CFAP45: variants seen among roughly 807,000 people sequenced by gnomAD.
CFAP45 encodes the protein cilia and flagella associated protein 45.
Under a neutral mutation model 75.6 loss-of-function variants are expected in CFAP45, and 43 were observed. That is an observed-to-expected ratio of 0.57 (90% CI 0.45 to 0.73). The LOEUF is 0.73. Among genes scored for constraint, CFAP45 ranks in the 30% least tolerant of loss-of-function variants. The probability of loss-of-function intolerance (pLI) is 0.00; values close to 1 mark genes in which losing one functional copy is unlikely to be tolerated. For missense variants in CFAP45, 689 were observed against 701.5 expected, an observed-to-expected ratio of 0.98 and a Z score of 0.20; for synonymous variants, 223 against 244.6, an observed-to-expected ratio of 0.91 and a Z score of 0.82.
chr1:159,873,104 G>T lies in CFAP45; in HGVS notation c.1417C>A (p.Gln473Lys). Residue 473 changes from glutamine (Q) to lysine (K), a missense_variant, in exon 11 of 12, where the codon CAG becomes AAG. Physicochemically the swap from Gln to Lys is moderately conservative, Grantham distance 53 (BLOSUM62 1). Transcript: ENST00000368099. ...EEEKKATGRL[Q>K]HANELRRQVR... Reference sequence around the variant, plus strand: ...TGGCGCCGGAGCTCATTGGCATGCTGTAAGCGCCCTGTGGCCTTTTTCTCC... The same window carrying T: ...TGGCGCCGGAGCTCATTGGCATGCTTTAAGCGCCCTGTGGCCTTTTTCTCC... The T allele has an allele frequency of 6.2e-7, 1 of 1,614,168 alleles. No individual in the cohort carries two copies. Among genetic ancestry groups the T allele is most frequent in the South Asian group, 1.1e-5 (1 of 91,090 alleles).
intron 1 of CFAP45, chr1:159,898,243 T>A: frequency 2.0e-6 from 2 of 985,390 alleles, no homozygotes; most frequent in Non-Finnish European, 2.4e-6. Flanking sequence ...TTATCCTCTT[T>A]CTTCAATTGG....
chr1:159,873,071 C>T lies in CFAP45; in HGVS notation c.1450G>A (p.Glu484Lys), dbSNP rs745611980. 58 of 1,614,126 alleles carry T rather than the reference C, an allele frequency of 3.6e-5. No homozygotes were observed. In the South Asian group the frequency reaches 3.6e-4, roughly 10 times the overall value. Residue 484 changes from glutamate to lysine, a missense_variant, in exon 11 of 12, where the codon GAG (glutamate) becomes AAG (lysine). Coordinates refer to ENST00000368099, the MANE Select transcript of CFAP45 (RefSeq NM_012337.3). ...HANELRRQVR[E>K]NQQKEVQNRI... ...TTCTGCACTTCCTTCTGCTGGTTCTCGCGCACCTGGCGCCGGAGCTCATTG... is the reference window on the plus strand; with the variant it reads ...TTCTGCACTTCCTTCTGCTGGTTCTTGCGCACCTGGCGCCGGAGCTCATTG...
In CFAP45 at chr1:159,890,496, T is replaced by C. The variant is rs1463915447; in HGVS notation, c.256A>G (p.Met86Val). 2 of 1,614,018 alleles carry C rather than the reference T, an allele frequency of 1.2e-6. No individual in the cohort carries two copies. Among genetic ancestry groups the C allele is most frequent in the African/African-American group, 1.3e-5 (1 of 74,918 alleles). The change falls in exon 3 of 12, where the codon ATG (methionine) becomes GTG (valine). Residue 86 changes from methionine (M) to valine (V), a missense_variant. Physicochemically the swap from Met to Val is conservative, Grantham distance 21. Transcript: ENST00000368099. ...TGTACTCACATGAGTTCTCGGACCA[T>C]GTCCCGGGTGATGAGCTGGATGGTC... ...PETIQLITRD[M>V]VRELIVPTED...
Position 159,876,707 on chromosome 1 carries a change from C to T in CFAP45, c.1201G>A (p.Glu401Lys). Reference sequence around the variant, plus strand: ...TTTTCCTTTTCCTTTCTGCGCCACTCTCTGTCTGCAACCTCCTGGTTGCGC... The same window carrying T: ...TTTTCCTTTTCCTTTCTGCGCCACTTTCTGTCTGCAACCTCCTGGTTGCGC... ...AKRNQEVADR[E>K]WRRKEKENAR... Residue 401 changes from glutamate to lysine, a missense_variant, in exon 10 of 12, where the codon GAG (glutamate) becomes AAG (lysine). Transcript: ENST00000368099. 1.9e-6 allele frequency: 3 copies of T among 1,614,226 alleles called. No individual in the cohort carries two copies. The South Asian group carries it at 3.3e-5, about 18-fold the overall frequency.
At chr1:159,890,381 T>A in intron 3 of CFAP45, 99 bp downstream of exon 3, 3 of 1,116,064 alleles carry the variant, frequency 2.7e-6, no homozygotes, top group Non-Finnish European at 4.0e-6. Flanking sequence ...GGGATTGGAC[T>A]GACAGAATGA....
chr1:159,899,918 A>C, intron 1 of CFAP45, 178 bp downstream of exon 1: 1 of 617,158 alleles, frequency 1.6e-6, no homozygotes, highest in Non-Finnish European at 2.9e-6. Flanking sequence ...TGCTATCCCT[A>C]ATTCCTCTTT....
In CFAP45 at chr1:159,872,471, C is replaced by G. The variant is rs1649302176; in HGVS notation, c.*14G>C. On this transcript the variant is annotated 3_prime_UTR_variant, in exon 12 of 12. Transcript: ENST00000368099. ...TGTCCCCCGAAGGCATCCTGAGGGC[C>G]ACGAAGGCTCCCCTCAGTTCACAGA... 2 of 1,610,274 alleles carry G rather than the reference C, an allele frequency of 1.2e-6. No individual in the cohort carries two copies. The highest frequency in any genetic ancestry group is 2.2e-5 in the South Asian group (2 of 91,006).
At position 159,886,481 on chromosome 1, in the gene CFAP45, G is replaced by A. The variant is rs754898979; in HGVS notation, c.767+30C>T. 1.0e-5 allele frequency: 16 copies of A among 1,595,166 alleles called. No individual in the cohort carries two copies. The South Asian group carries it at 1.8e-4, about 18-fold the overall frequency. Reference sequence around the variant, plus strand: ...CCTAAAGATACATGGAAATAGCTTAGAGAGGGAGATGCCAAAACCACATCT... The same window carrying A: ...CCTAAAGATACATGGAAATAGCTTAAAGAGGGAGATGCCAAAACCACATCT... On this transcript the variant is annotated intron_variant, in intron 6 of 11. Transcript: ENST00000368099.
chr1:159,873,580 C>A (rs941439187), intron 10 of CFAP45, among the ~76,000 whole-genome samples: 29 of 152,298 alleles, frequency 1.9e-4, no homozygotes, highest in African/African-American at 7.0e-4. Flanking sequence ...AAGTGATTCT[C>A]CCACCTCAGC....
chr1:159,887,072 AC>A (rs1377677960), intron 5 of CFAP45, among the ~76,000 whole-genome samples: 10 of 152,134 alleles, frequency 6.6e-5, no homozygotes, highest in Admixed American at 2.6e-4. Flanking sequence ...CCATTGTTCC[AC>A]TTAGAGACCC....
chr1:159,885,099 T>A (rs907172689), intron 6 of CFAP45, among the ~76,000 whole-genome samples: 1 of 152,054 alleles, frequency 6.6e-6, no homozygotes, highest in African/African-American at 2.4e-5. Context: ...CATATTAGGA[T>A]CAGAATTGAG....
chr1:159,875,970 A>G (rs1649390622), intron 10 of CFAP45, among the ~76,000 whole-genome samples: 1 of 152,250 alleles, frequency 6.6e-6, no homozygotes, highest in African/African-American at 2.4e-5. Context: ...AGAAAGATGG[A>G]TTGATGTAGG....
chr1:159,890,061 G>A (rs1250714800), intron 3 of CFAP45, among the ~76,000 whole-genome samples: 2 of 152,122 alleles, frequency 1.3e-5, no homozygotes, highest in African/African-American at 4.8e-5. Context: ...GGAAGCCAGG[G>A]GGCTAATTAG....
Position 159,884,429 on chromosome 1 carries a change from C to CAACA in CFAP45, c.897+6_897+7insTGTT. On this transcript the variant is annotated splice_region_variant and intron_variant, in intron 7 of 11. Coordinates refer to ENST00000368099, the MANE Select transcript of CFAP45 (RefSeq NM_012337.3). ...TGAAACGTGGCATTGTCTGTCTGGC[C>CAACA]TGTTACCTTTAGATCTTCCTCTTGG... 1.2e-6 allele frequency: 2 copies of CAACA among 1,602,908 alleles called. No homozygotes were observed. Among genetic ancestry groups the CAACA allele is most frequent in the East Asian group, 4.5e-5 (2 of 44,252 alleles).
Position 159,880,696 on chromosome 1 carries a change from A to G in CFAP45, c.902T>C (p.Met301Thr). The change falls in exon 8 of 12, where the codon ATG (methionine) becomes ACG (threonine). Residue 301 changes from methionine to threonine, a missense_variant. By Grantham distance (81) the Met-to-Thr change is moderately conservative. Coordinates refer to ENST00000368099, the MANE Select transcript of CFAP45 (RefSeq NM_012337.3). ...EQLQEEDLKD[M>T]ERRQQQKLKM... ...CAGTTTTTGTTGCTGCCTTCGTTCC[A>G]TGTCCTGCCAGCAAAAGAAAGAGAG... 1 of 1,613,674 alleles carries G rather than the reference A, an allele frequency of 6.2e-7. No individual in the cohort carries two copies. Among genetic ancestry groups the G allele is most frequent in the Non-Finnish European group, 8.5e-7 (1 of 1,179,836 alleles).
At position 159,880,715 on chromosome 1, in the gene CFAP45, A is replaced by G. The variant is rs1649529053; in HGVS notation, c.898-15T>C. 1 of 1,613,558 alleles carries G rather than the reference A, an allele frequency of 6.2e-7. No homozygotes were observed. The highest frequency in any genetic ancestry group is 8.5e-7 in the Non-Finnish European group (1 of 1,179,724). ...CGTTCCATGTCCTGCCAGCAAAAGA[A>G]AGAGAGCCTCAGAGTACAAAGAGGT... is the stretch of plus-strand genomic sequence containing the variant. On this transcript the variant is annotated splice_polypyrimidine_tract_variant and intron_variant, in intron 7 of 11. Transcript: ENST00000368099.
chr1:159,899,875 C>CTCTGCGCGCTCCACATTTCCAATCGTA, intron 1 of CFAP45: 1 of 558,748 alleles, frequency 1.8e-6, no homozygotes, highest in Non-Finnish European at 3.3e-6. Flanking sequence ...AACTCCTCCG[C>CTCTGCGCGCTCCACATTTCCAATCGTA]TCAGCGCGCT....
chr1:159,890,451 C>A, intron 3 of CFAP45, 29 bp downstream of exon 3: 1 of 1,612,220 alleles, frequency 6.2e-7, no homozygotes, highest in Admixed American at 1.7e-5. Flanking sequence ...GAGGACTGGA[C>A]ATAGAAGGGC....
At chr1:159,886,079 C>T (rs183280926) in intron 6 of CFAP45, among the ~76,000 whole-genome samples, 11 of 152,082 alleles carry the variant, frequency 7.2e-5, no homozygotes, top group South Asian at 2.1e-4. Context: ...GCCGGGCTCA[C>T]GCCTGTAATC....
Sources: gnomAD v4.1 joint callset for allele counts (sites outside exome capture counted in the v4.1 genomes callset) on GRCh38, gnomAD v4.1.1 for gene constraint, MANE v1.5 for transcripts, NCBI Gene and HGNC (gene_info 2026-07-23, HGNC 2026-07-21) for gene names.